The following NDUFS4 variants were observed in gnomAD, a reference collection of about 807,000 sequenced individuals.
NDUFS4 encodes NADH:ubiquinone oxidoreductase subunit S4.
In NDUFS4, 28 loss-of-function variants were observed where a neutral mutation model predicts 24.3. The observed-to-expected ratio is 1.15, with a 90% confidence interval of 0.85 to 1.58. The LOEUF is 1.58. Ranked by LOEUF, NDUFS4 falls within the 40% of genes most tolerant of loss-of-function variation. The pLI is 0.00. For missense variants in NDUFS4, 223 were observed against 207.9 expected (o/e 1.07, Z -0.45); for synonymous variants, 93 against 69.7 (o/e 1.34, Z -1.67).
intron 2 of NDUFS4, among the ~76,000 whole-genome samples, chr5:53,645,092 G>A (rs191361243): frequency 6.1e-4 from 93 of 152,044 alleles, no homozygotes; most frequent in East Asian, 3.1e-3. Context: ...ATTCACAGAC[G>A]TTTTCTAGTT....
rs187237267 is a variant in NDUFS4 at position 53,600,157 on chromosome 5, G to A, written c.99-3295G>A. Among the ~76,000 whole-genome samples, 1,131 of 151,790 alleles carry A rather than the reference G, an allele frequency of 7.5e-3. 3 individuals carry two copies. The highest frequency in any genetic ancestry group is 0.011 in the Non-Finnish European group (776 of 67,916). On this transcript the variant is annotated intron_variant, in intron 1 of 4. Coordinates refer to ENST00000296684, the MANE Select transcript of NDUFS4 (RefSeq NM_002495.4). ...TGGGGTTACAGGCATGCACCACCAC[G>A]CCCAGCTAATTTTGTATTTTTAGTG...
intron 2 of NDUFS4, among the ~76,000 whole-genome samples, chr5:53,628,595 T>G (rs538284401): frequency 4.6e-5 from 7 of 152,272 alleles, no homozygotes; most frequent in African/African-American, 1.7e-4. Flanking sequence ...TTCTTCCTGG[T>G]TTAGTTTTGG....
chr5:53,661,286 G>C (rs894737694), intron 4 of NDUFS4, among the ~76,000 whole-genome samples: 5 of 152,100 alleles, frequency 3.3e-5, no homozygotes, highest in African/African-American at 1.2e-4. Flanking sequence ...GTTTTTGTCA[G>C]GTTTGTCAAA....
At chr5:53,663,055 A>G (rs1464668401) in intron 4 of NDUFS4, among the ~76,000 whole-genome samples, 1 of 151,896 alleles carries the variant, frequency 6.6e-6, no homozygotes, top group African/African-American at 2.4e-5. Context: ...GAACATCTTT[A>G]TTTCTGCCTT....
At position 53,578,070 on chromosome 5, in the gene NDUFS4, C is replaced by T. The variant is rs117325715; in HGVS notation, c.98+17310C>T. Among the ~76,000 whole-genome samples, 33 of 152,316 alleles carry T rather than the reference C, an allele frequency of 2.2e-4. No homozygotes were observed. In the East Asian group the frequency reaches 5.6e-3, roughly 26 times the overall value. On this transcript the variant is annotated intron_variant, in intron 1 of 4. Coordinates refer to ENST00000296684, the MANE Select transcript of NDUFS4 (RefSeq NM_002495.4). ...TCTGACTGATTATCATTGTGATAGT[C>T]TTGTCTTCCATTTTATTAATGTCTC... is the stretch of plus-strand genomic sequence containing the variant.
chr5:53,658,868 G>A, intron 4 of NDUFS4: 1 of 422,580 alleles, frequency 2.4e-6, no homozygotes, highest in Non-Finnish European at 4.2e-6. Context: ...GTACCAACAG[G>A]GAATGAAACT....
chr5:53,625,001 A>G (rs1291003572), intron 2 of NDUFS4, among the ~76,000 whole-genome samples: 1 of 152,104 alleles, frequency 6.6e-6, no homozygotes, highest in Non-Finnish European at 1.5e-5. Flanking sequence ...GTCTCTGTGC[A>G]GTGGCATAAT....
chr5:53,634,706 A>T (rs1416330635), intron 2 of NDUFS4, among the ~76,000 whole-genome samples: 1 of 151,864 alleles, frequency 6.6e-6, no homozygotes, highest in Non-Finnish European at 1.5e-5. Flanking sequence ...CATTTGCCTC[A>T]GCCTTCTAAG....
intron 3 of NDUFS4, 72 bp downstream of exon 3, chr5:53,646,477 T>C: frequency 6.7e-7 from 1 of 1,496,254 alleles, no homozygotes; most frequent in Non-Finnish European, 9.3e-7. Flanking sequence ...TAAATATGAT[T>C]TTCAAACTCT....
At chr5:53,582,289 G>T (rs1277104609) in intron 1 of NDUFS4, among the ~76,000 whole-genome samples, 1 of 151,072 alleles carries the variant, frequency 6.6e-6, no homozygotes, top group Non-Finnish European at 1.5e-5. Flanking sequence ...ATTTAAGAAA[G>T]ATGAATAAAA....
intron 1 of NDUFS4, among the ~76,000 whole-genome samples, chr5:53,571,586 C>T (rs749570190): frequency 3.9e-5 from 6 of 152,166 alleles, no homozygotes; most frequent in Non-Finnish European, 7.3e-5. Context: ...TATATTTAGC[C>T]TTTTGAGTAA....
intron 1 of NDUFS4, among the ~76,000 whole-genome samples, chr5:53,577,409 C>G (rs1749421073): frequency 2.0e-5 from 3 of 151,442 alleles, no homozygotes; most frequent in Non-Finnish European, 2.9e-5. Context: ...ACACATGGGC[C>G]AAGGGAGTGT....
chr5:53,638,582 A>G (rs1458044218), intron 2 of NDUFS4, among the ~76,000 whole-genome samples: 1 of 152,058 alleles, frequency 6.6e-6, no homozygotes, highest in African/African-American at 2.4e-5. Flanking sequence ...AGGGTTAGAA[A>G]AAAATAACTA....
chr5:53,642,942 T>C (rs1252308267), intron 2 of NDUFS4, among the ~76,000 whole-genome samples: 1 of 152,134 alleles, frequency 6.6e-6, no homozygotes, highest in South Asian at 2.1e-4. Flanking sequence ...CATTGACTTA[T>C]TAGTTATCAT....
At chr5:53,627,000 G>T (rs955073985) in intron 2 of NDUFS4, among the ~76,000 whole-genome samples, 2 of 144,926 alleles carry the variant, frequency 1.4e-5, no homozygotes, top group Admixed American at 7.3e-5. Context: ...TTCTTCTAGG[G>T]TTTTTATAGC....
intron 1 of NDUFS4, among the ~76,000 whole-genome samples, chr5:53,562,265 G>A (rs1468785099): frequency 2.0e-5 from 3 of 152,128 alleles, no homozygotes; most frequent in African/African-American, 7.2e-5. Context: ...TTAACTTAGA[G>A]TTAATATAGC....
At chr5:53,610,343 G>A (rs776805379) in intron 2 of NDUFS4, among the ~76,000 whole-genome samples, 6 of 152,024 alleles carry the variant, frequency 3.9e-5, no homozygotes, top group African/African-American at 7.2e-5. Flanking sequence ...TAATATGGAC[G>A]CAGTTTGTGG....
intron 1 of NDUFS4, among the ~76,000 whole-genome samples, chr5:53,583,105 C>A (rs1025913272): frequency 6.6e-6 from 1 of 152,062 alleles, no homozygotes; most frequent in Non-Finnish European, 1.5e-5. Flanking sequence ...TCTCGATTTC[C>A]TGACCTCATG....
Position 53,616,699 on chromosome 5 carries a change from G to A in NDUFS4, c.177+13169G>A, listed in dbSNP as rs115036284. Among the ~76,000 whole-genome samples the A allele has an allele frequency of 4.6e-3, 703 of 152,202 alleles. 4 individuals carry two copies. Among genetic ancestry groups the A allele is most frequent in the African/African-American group, 0.016 (677 of 41,538 alleles). ...GGTAAGAAGGCTCTTTAGGCCCATA[G>A]TAAGAAATTTGAATATTATTTGAAT... is the stretch of plus-strand genomic sequence containing the variant. On this transcript the variant is annotated intron_variant, in intron 2 of 4. Coordinates refer to ENST00000296684, the MANE Select transcript of NDUFS4 (RefSeq NM_002495.4).
Sources: allele counts gnomAD v4.1 joint callset (sites outside exome capture counted in the v4.1 genomes callset), GRCh38; gene constraint gnomAD v4.1.1; transcripts MANE v1.5; gene names NCBI Gene and HGNC (gene_info 2026-07-23, HGNC 2026-07-21).